PIAS2: variants seen among roughly 807,000 people sequenced by gnomAD.
PIAS2 encodes protein inhibitor of activated STAT 2.
A neutral mutation model predicts 69.7 loss-of-function variants in PIAS2; 19 were observed. That is an observed-to-expected ratio of 0.27 (90% CI 0.19 to 0.40). The LOEUF (loss-of-function observed/expected upper bound fraction) is 0.40, where lower values mean the gene tolerates loss of function less well. PIAS2 is among the 10% of genes least tolerant of loss of function. PIAS2 has a pLI of 1.00. For missense variants in PIAS2, 624 were observed against 757.0 expected (o/e 0.82, Z 2.06); for synonymous variants, 261 against 263.2 (o/e 0.99, Z 0.08).
At chr18:46,861,485 C>G (rs989809391) in intron 3 of PIAS2, among the ~76,000 whole-genome samples, 2 of 152,106 alleles carry the variant, frequency 1.3e-5, no homozygotes. Context: ...TATTTATCAA[C>G]AAAGGAACAA....
chr18:46,905,178 C>T (rs1419966331), intron 1 of PIAS2, among the ~76,000 whole-genome samples: 1 of 152,150 alleles, frequency 6.6e-6, no homozygotes, highest in Non-Finnish European at 1.5e-5. Context: ...CAATTGGCAT[C>T]ACACTCAAAC....
At chr18:46,865,983 A>G (rs768831637) in intron 2 of PIAS2, among the ~76,000 whole-genome samples, 38 of 152,334 alleles carry the variant, frequency 2.5e-4, no homozygotes, top group Non-Finnish European at 4.9e-4. Flanking sequence ...TAACTGCCAA[A>G]TGTAATAACG....
At chr18:46,877,293 G>A (rs1056202416) in intron 2 of PIAS2, among the ~76,000 whole-genome samples, 6 of 152,104 alleles carry the variant, frequency 3.9e-5, no homozygotes, top group African/African-American at 1.4e-4. Flanking sequence ...TCAAAAGAAG[G>A]GAACTGTCAG....
chr18:46,815,295 A>T lies in PIAS2; in HGVS notation c.1686+17T>A, dbSNP rs2041389189. On this transcript the variant is annotated intron_variant, in intron 13 of 13. Coordinates refer to ENST00000585916, the MANE Select transcript of PIAS2 (RefSeq NM_004671.5). ...ACAATCAAATACAAATTAGTTGCTTAAATTCAGGATACATACCTGGGGATC... is the reference window on the plus strand; with the variant it reads ...ACAATCAAATACAAATTAGTTGCTTTAATTCAGGATACATACCTGGGGATC... 1 of 1,606,328 alleles carries T rather than the reference A, an allele frequency of 6.2e-7. No homozygotes were observed. The highest frequency in any genetic ancestry group is 8.5e-7 in the Non-Finnish European group (1 of 1,174,052).
In PIAS2 at chr18:46,829,754, T is replaced by C. The variant is rs1161194231; in HGVS notation, c.1316A>G (p.Gln439Arg). 6 of 1,613,436 alleles carry C rather than the reference T, an allele frequency of 3.7e-6. No individual in the cohort carries two copies. In the East Asian group the frequency reaches 8.9e-5, roughly 24 times the overall value. ...PKKEAMKVSS[Q>R]PCTKIESSSV... ...CATACTTTCTATTTTTGTACACGGT[T>C]GGCTGGATACTTTCATAGCTTCTTT... Residue 439 changes from glutamine (Q) to arginine (R), a missense_variant, in exon 10 of 14, where the codon CAA becomes CGA. By Grantham distance (43) the Gln-to-Arg change is conservative (BLOSUM62 1). Transcript: ENST00000585916.
At chr18:46,906,426 A>G (rs2056602202) in intron 1 of PIAS2, 1 of 152,166 alleles carries the variant, frequency 6.6e-6, no homozygotes. Context: ...GCATAGAAAA[A>G]TCCAAAAGAA....
chr18:46,895,428 C>T (rs1240699311), intron 1 of PIAS2, among the ~76,000 whole-genome samples: 4 of 151,928 alleles, frequency 2.6e-5, no homozygotes, highest in Non-Finnish European at 4.4e-5. Flanking sequence ...CCCAGCACTT[C>T]GGGAGGCCAA....
intron 2 of PIAS2, among the ~76,000 whole-genome samples, chr18:46,882,777 T>C (rs1222394896): frequency 6.6e-6 from 1 of 152,274 alleles, no homozygotes; most frequent in East Asian, 1.9e-4. Flanking sequence ...GAAATACTGT[T>C]AAGAAAGATT....
chr18:46,885,002 GAGATTTTTGCT>G (rs754006962), intron 2 of PIAS2, among the ~76,000 whole-genome samples: 8 of 152,094 alleles, frequency 5.3e-5, no homozygotes, highest in Non-Finnish European at 1.2e-4. Context: ...AAAGAAAATG[GAGATTTTTGCT>G]AGTTTGTTTT....
intron 3 of PIAS2, among the ~76,000 whole-genome samples, chr18:46,861,281 A>G (rs1456898588): frequency 6.6e-6 from 1 of 152,186 alleles, no homozygotes; most frequent in East Asian, 1.9e-4. Context: ...GAAAGAAAAG[A>G]AAAGGAGACA....
intron 1 of PIAS2, among the ~76,000 whole-genome samples, chr18:46,896,461 C>T (rs2054903851): frequency 6.6e-6 from 1 of 152,166 alleles, no homozygotes; most frequent in Non-Finnish European, 1.5e-5. Flanking sequence ...TGAATAAATT[C>T]CACCAAGCTT....
intron 3 of PIAS2, among the ~76,000 whole-genome samples, chr18:46,862,234 G>A (rs1220113533): frequency 2.6e-5 from 4 of 152,126 alleles, no homozygotes; most frequent in Admixed American, 6.5e-5. Flanking sequence ...AAGAGGCTGA[G>A]GCAGGAGAAT....
chr18:46,916,354 T>C (rs1028782034), intron 1 of PIAS2, among the ~76,000 whole-genome samples: 1 of 151,958 alleles, frequency 6.6e-6, no homozygotes, highest in Admixed American at 6.6e-5. Flanking sequence ...ACAAACGAGT[T>C]GCAGTAAATG....
intron 9 of PIAS2, among the ~76,000 whole-genome samples, chr18:46,834,296 T>C (rs1336194949): frequency 6.6e-6 from 1 of 152,152 alleles, no homozygotes; most frequent in Non-Finnish European, 1.5e-5. Flanking sequence ...AATGTAAACC[T>C]TCTGAATGGA....
At position 46,836,484 on chromosome 18, in the gene PIAS2, C is replaced by A; in HGVS notation, c.1075G>T (p.Ala359Ser). The A allele has an allele frequency of 6.2e-7, 1 of 1,613,592 alleles. No individual in the cohort carries two copies. The highest frequency in any genetic ancestry group is 8.5e-7 in the Non-Finnish European group (1 of 1,179,688). ...CACTGCAGATGTGTACAAGTCACTG[C>A]ACGGCATGGGATTGTCAGCCTCATT... ...GKMRLTIPCR[A>S]VTCTHLQCFD... is the part of the protein sequence containing the mutation. The change falls in exon 9 of 14, where the codon GCA (alanine) becomes TCA (serine). Residue 359 changes from alanine to serine, a missense_variant. Physicochemically the swap from Ala to Ser is moderately conservative, Grantham distance 99 (BLOSUM62 1). Coordinates refer to ENST00000585916, the MANE Select transcript of PIAS2 (RefSeq NM_004671.5).
intron 3 of PIAS2, among the ~76,000 whole-genome samples, chr18:46,858,624 A>C (rs2048201873): frequency 6.6e-6 from 1 of 152,164 alleles, no homozygotes; most frequent in African/African-American, 2.4e-5. Context: ...TTGAGCCCGG[A>C]CATTAAAGGC....
chr18:46,830,942 A>G (rs1740325793), intron 9 of PIAS2, among the ~76,000 whole-genome samples: 1 of 152,196 alleles, frequency 6.6e-6, no homozygotes, highest in Non-Finnish European at 1.5e-5. Flanking sequence ...CAAATCCAAC[A>G]ACAAATATAC....
intron 10 of PIAS2, among the ~76,000 whole-genome samples, chr18:46,828,695 G>A (rs2043159125): frequency 6.6e-6 from 1 of 152,188 alleles, no homozygotes; most frequent in Admixed American, 6.5e-5. Flanking sequence ...TCTCAATTAA[G>A]TTACTAAGAC....
rs1437348775 is a variant in PIAS2 at position 46,808,369 on chromosome 18, C to T, written c.*4064G>A. On this transcript the variant is annotated 3_prime_UTR_variant, in exon 14 of 14. Transcript: ENST00000585916. The stretch of plus-strand genomic sequence containing the variant: ...TACTGACATAAACAGAAAAAACAAA[C>T]ATTATTCAACCAGGCAAGCATTAAA... 3 of 152,158 alleles carry T rather than the reference C, an allele frequency of 2.0e-5. No homozygotes were observed. Among genetic ancestry groups the T allele is most frequent in the Non-Finnish European group, 4.4e-5 (3 of 68,018 alleles). The allele number at this position is 152,158 out of a possible 1,614,324, so 9.4% of individuals were successfully genotyped here.
Sources: allele counts gnomAD v4.1 joint callset (sites outside exome capture counted in the v4.1 genomes callset), GRCh38; gene constraint gnomAD v4.1.1; transcripts MANE v1.5; gene names NCBI Gene and HGNC (gene_info 2026-07-23, HGNC 2026-07-21).